LCP1: variants seen among roughly 807,000 people sequenced by gnomAD.
The protein encoded by LCP1 is plastin-2.
Under a neutral mutation model 72.0 loss-of-function variants are expected in LCP1, and 23 were observed. The ratio of observed to expected loss-of-function variants is 0.32; its 90% confidence interval spans 0.23 to 0.45. The LOEUF is 0.45. LCP1 is among the 20% of genes least tolerant of loss of function. LCP1 has a pLI of 1.00. For synonymous variants in LCP1, 245 were observed against 275.4 expected (o/e 0.89, Z 1.09); for missense variants, 571 against 748.3 (o/e 0.76, Z 2.76).
intron 14 of LCP1, among the ~76,000 whole-genome samples, chr13:46,133,156 G>T (rs2045643777): frequency 6.6e-6 from 1 of 152,170 alleles, no homozygotes; most frequent in Admixed American, 6.5e-5. Context: ...TCACAAGGGA[G>T]ATCTTTGAGC....
intron 8 of LCP1, among the ~76,000 whole-genome samples, chr13:46,150,274 C>T (rs1258129597): frequency 6.6e-6 from 1 of 152,178 alleles, no homozygotes; most frequent in Non-Finnish European, 1.5e-5. Flanking sequence ...GCTCCTTAAC[C>T]ACTTTCTATC....
At chr13:46,144,275 T>G (rs1167647402) in intron 11 of LCP1, among the ~76,000 whole-genome samples, 167 bp downstream of exon 11, 2 of 151,898 alleles carry the variant, frequency 1.3e-5, no homozygotes, top group African/African-American at 4.8e-5. Context: ...TGCAGGTGAG[T>G]TTTTCAACTG....
intron 13 of LCP1, among the ~76,000 whole-genome samples, chr13:46,141,405 CAAAA>C (rs762462829): frequency 1.3e-4 from 7 of 52,344 alleles, no homozygotes; most frequent in African/African-American, 5.1e-4. Flanking sequence ...GACTCTGTCT[CAAAA>C]AAAAAAAAAA....
At chr13:46,164,160 G>A (rs916845293) in intron 1 of LCP1, among the ~76,000 whole-genome samples, 2 of 152,168 alleles carry the variant, frequency 1.3e-5, no homozygotes, top group Non-Finnish European at 2.9e-5. Context: ...CTTATCCCTT[G>A]ACACAAGAAT....
At chr13:46,150,446 G>A (rs1393137189) in intron 8 of LCP1, among the ~76,000 whole-genome samples, 1 of 152,142 alleles carries the variant, frequency 6.6e-6, no homozygotes, top group African/African-American at 2.4e-5. Context: ...CTTACCTCAT[G>A]GGGTTGTTGT....
chr13:46,141,232 C>T (rs985764378), intron 13 of LCP1, among the ~76,000 whole-genome samples: 2 of 151,312 alleles, frequency 1.3e-5, no homozygotes, highest in East Asian at 3.9e-4. Flanking sequence ...ACGGTGAAAC[C>T]CCGTCTCTAC....
rs957758031 is a variant in LCP1 at position 46,126,606 on chromosome 13, G to A, written c.*985C>T. 1.3e-5 allele frequency: 3 copies of A among 231,858 alleles called. No homozygotes were observed. Among genetic ancestry groups the A allele is most frequent in the Middle Eastern group, 1.3e-3 (1 of 774 alleles). 14.4% of individuals were successfully genotyped at this position (231,858 alleles called of 1,614,324 possible). On this transcript the variant is annotated 3_prime_UTR_variant, in exon 16 of 16. Transcript: ENST00000323076. ...CAACAATCAGATATGCTAAGCTCTA[G>A]AAGCAAAAGCAAGGTAGGATTGCCT...
chr13:46,157,501 G>C (rs1422471413), intron 4 of LCP1, among the ~76,000 whole-genome samples: 1 of 152,036 alleles, frequency 6.6e-6, no homozygotes, highest in East Asian at 1.9e-4. Flanking sequence ...AAAAACTCAA[G>C]TTATGTCTTC....
At chr13:46,142,486 T>A in intron 12 of LCP1, 61 bp from the exon 13 acceptor site, 2 of 1,519,378 alleles carry the variant, frequency 1.3e-6, no homozygotes, top group East Asian at 4.7e-5. Context: ...AAATACCAGA[T>A]AAATAATAAA....
chr13:46,131,544 C>A (rs2045634103), intron 14 of LCP1, among the ~76,000 whole-genome samples: 1 of 152,158 alleles, frequency 6.6e-6, no homozygotes, highest in Non-Finnish European at 1.5e-5. Context: ...TCCAAAAAGA[C>A]ACCTGCATGC....
At chr13:46,131,680 G>A (rs560741044) in intron 14 of LCP1, among the ~76,000 whole-genome samples, 4 of 152,208 alleles carry the variant, frequency 2.6e-5, no homozygotes, top group African/African-American at 9.6e-5. Flanking sequence ...AGCCACAAAA[G>A]AGAATAAAAT....
intron 13 of LCP1, among the ~76,000 whole-genome samples, chr13:46,138,839 G>A (rs1378539948): frequency 6.6e-6 from 1 of 152,122 alleles, no homozygotes. Context: ...TAGAGATGGG[G>A]TTTCACCATG....
Position 46,127,222 on chromosome 13 carries a change from A to C in LCP1, c.*369T>G. The C allele has an allele frequency of 4.0e-6, 1 of 248,786 alleles. No individual in the cohort carries two copies. Among genetic ancestry groups the C allele is most frequent in the Non-Finnish European group, 7.8e-6 (1 of 127,862 alleles). 15.4% of individuals were successfully genotyped at this position (248,786 alleles called of 1,614,324 possible). On this transcript the variant is annotated 3_prime_UTR_variant, in exon 16 of 16. Transcript: ENST00000323076. Reference sequence around the variant, plus strand: ...TCCTGGCCCTCATCTTGAACAAAGAAAAGGGAAGCCACATGAAGCTGGTTT... The same window carrying C: ...TCCTGGCCCTCATCTTGAACAAAGACAAGGGAAGCCACATGAAGCTGGTTT...
At chr13:46,163,145 A>G (rs1464690900) in intron 1 of LCP1, among the ~76,000 whole-genome samples, 1 of 152,230 alleles carries the variant, frequency 6.6e-6, no homozygotes, top group Non-Finnish European at 1.5e-5. Context: ...TGTACCCAAC[A>G]GCTCATTGAG....
chr13:46,159,525 A>G, intron 2 of LCP1, 74 bp downstream of exon 2: 1 of 1,240,590 alleles, frequency 8.1e-7, no homozygotes, highest in East Asian at 2.3e-5. Context: ...TCATGTTCCC[A>G]TTTCATTGAA....
At chr13:46,135,237 T>G (rs552600704) in intron 13 of LCP1, among the ~76,000 whole-genome samples, 1 of 151,608 alleles carries the variant, frequency 6.6e-6, no homozygotes, top group East Asian at 1.9e-4. Flanking sequence ...CAGGAACACA[T>G]GGGTTTGTGG....
chr13:46,142,913 G>A (rs1005899811), intron 12 of LCP1: 45 of 372,414 alleles, frequency 1.2e-4, no homozygotes, highest in Non-Finnish European at 1.9e-4. Flanking sequence ...TCAAAACAAT[G>A]TTCCCACTGT....
At position 46,127,451 on chromosome 13, in the gene LCP1, T is replaced by C. The variant is rs1181569810; in HGVS notation, c.*140A>G. 1 of 1,029,290 alleles carries C rather than the reference T, an allele frequency of 9.7e-7. No homozygotes were observed. The highest frequency in any genetic ancestry group is 1.4e-6 in the Non-Finnish European group (1 of 712,148). 63.8% of individuals were successfully genotyped at this position (1,029,290 alleles called of 1,614,324 possible). ...TTTGTTAAATACAGGAGAGGCTACTTGGCTGCACTAATATGTGCTTTTTGG... is the reference window on the plus strand; with the variant it reads ...TTTGTTAAATACAGGAGAGGCTACTCGGCTGCACTAATATGTGCTTTTTGG... On this transcript the variant is annotated 3_prime_UTR_variant, in exon 16 of 16. Transcript: ENST00000323076.
chr13:46,142,064 A>G (rs1593947258), intron 13 of LCP1, among the ~76,000 whole-genome samples: 1 of 152,176 alleles, frequency 6.6e-6, no homozygotes, highest in South Asian at 2.1e-4. Flanking sequence ...AGAATGAAAC[A>G]ACAATCTAAA....
Sources: allele counts gnomAD v4.1 joint callset (sites outside exome capture counted in the v4.1 genomes callset), GRCh38; gene constraint gnomAD v4.1.1; transcripts MANE v1.5; gene names NCBI Gene and HGNC (gene_info 2026-07-23, HGNC 2026-07-21).